Variants in RAPGEF5 observed in about 807,000 individuals in gnomAD.
RAPGEF5 encodes Rap guanine nucleotide exchange factor 5, also known as M-Ras-regulated GEF.
A neutral mutation model predicts 125.2 loss-of-function variants in RAPGEF5; 65 were observed. That is an observed-to-expected ratio of 0.52 (90% CI 0.43 to 0.64). The LOEUF is 0.64. Among genes scored for constraint, RAPGEF5 ranks in the 30% least tolerant of loss-of-function variants. The probability of loss-of-function intolerance (pLI) is 0.00; values close to 1 mark genes in which losing one functional copy is unlikely to be tolerated. For synonymous variants in RAPGEF5, 391 were observed against 385.9 expected (o/e 1.01, Z -0.16); for missense variants, 958 against 1,048.1 (o/e 0.91, Z 1.19).
intron 17 of RAPGEF5, among the ~76,000 whole-genome samples, chr7:22,154,059 T>A (rs758121734): frequency 2.0e-5 from 3 of 152,118 alleles, no homozygotes; most frequent in Non-Finnish European, 4.4e-5. Context: ...AGTCTTTAAC[T>A]ATTAAATTGT....
At chr7:22,166,056 T>A (rs1281435209) in intron 12 of RAPGEF5, among the ~76,000 whole-genome samples, 1 of 147,210 alleles carries the variant, frequency 6.8e-6, no homozygotes, top group Non-Finnish European at 1.5e-5. Flanking sequence ...GTATATTATA[T>A]ATATATTATA....
intron 14 of RAPGEF5, 46 bp from the exon 15 acceptor site, chr7:22,157,931 A>G (rs1783864799): frequency 5.2e-6 from 8 of 1,550,460 alleles, no homozygotes; most frequent in Non-Finnish European, 7.1e-6. Context: ...TCAAACCCAG[A>G]ATAATGCAGT....
At chr7:22,136,375 A>G (rs1187886731) in intron 22 of RAPGEF5, among the ~76,000 whole-genome samples, 1 of 152,084 alleles carries the variant, frequency 6.6e-6, no homozygotes, top group Non-Finnish European at 1.5e-5. Flanking sequence ...ACATCTTTTG[A>G]TTGTCCTATT....
chr7:22,184,772 G>T lies in RAPGEF5; in HGVS notation c.1204+8595C>A, dbSNP rs558423915. Among the ~76,000 whole-genome samples the T allele has an allele frequency of 2.0e-5, 3 of 152,286 alleles. No individual in the cohort carries two copies. In the East Asian group the frequency reaches 5.8e-4, roughly 29 times the overall value. ...GCAGTGTAAAAGCATCAGTTCCCTT[G>T]TTATCATACATACTATTGCATGTTC... is the stretch of plus-strand genomic sequence containing the variant. On this transcript the variant is annotated intron_variant, in intron 11 of 25. Coordinates refer to ENST00000665637, the MANE Select transcript of RAPGEF5 (RefSeq NM_012294.5).
chr7:22,315,606 C>T (rs1783573149), intron 2 of RAPGEF5, 130 bp from the exon 3 acceptor site: 4 of 608,268 alleles, frequency 6.6e-6, no homozygotes, highest in Non-Finnish European at 8.3e-6. Context: ...AAATCATAAC[C>T]AAGTCCATAA....
intron 17 of RAPGEF5, among the ~76,000 whole-genome samples, chr7:22,152,479 G>C (rs1480158577): frequency 1.3e-5 from 2 of 152,096 alleles, no homozygotes; most frequent in Non-Finnish European, 2.9e-5. Context: ...TTTCAGGTTT[G>C]TCACTATAAT....
At chr7:22,201,985 A>T (rs760520947) in intron 9 of RAPGEF5, among the ~76,000 whole-genome samples, 9 of 152,216 alleles carry the variant, frequency 5.9e-5, no homozygotes, top group Non-Finnish European at 7.3e-5. Context: ...CAAATGATGG[A>T]TAAGTGGACA....
chr7:22,303,697 C>G (rs1456185391), intron 5 of RAPGEF5, among the ~76,000 whole-genome samples: 1 of 152,156 alleles, frequency 6.6e-6, no homozygotes, highest in African/African-American at 2.4e-5. Context: ...ATGTAAGAAT[C>G]AAGAGGGCAC....
intron 11 of RAPGEF5, among the ~76,000 whole-genome samples, chr7:22,178,322 C>T (rs1784572605): frequency 6.6e-6 from 1 of 152,146 alleles, no homozygotes; most frequent in Non-Finnish European, 1.5e-5. Flanking sequence ...TTTTTCTACT[C>T]TCAACACATC....
chr7:22,158,488 A>G (rs1277213645), intron 14 of RAPGEF5, among the ~76,000 whole-genome samples: 2 of 152,178 alleles, frequency 1.3e-5, no homozygotes, highest in African/African-American at 2.4e-5. Flanking sequence ...AAAGGTATCA[A>G]TCTTGCTCTC....
intron 6 of RAPGEF5, among the ~76,000 whole-genome samples, chr7:22,270,095 A>G (rs1782383154): frequency 6.6e-6 from 1 of 152,226 alleles, no homozygotes; most frequent in Non-Finnish European, 1.5e-5. Flanking sequence ...TTGACCAGGA[A>G]CTGACCTTTG....
intron 5 of RAPGEF5, among the ~76,000 whole-genome samples, chr7:22,301,450 C>A (rs1202360643): frequency 6.6e-6 from 1 of 151,888 alleles, no homozygotes; most frequent in Non-Finnish European, 1.5e-5. Context: ...CCCATCTCTA[C>A]TAAAAATACA....
rs1015876906 is a variant in RAPGEF5 at position 22,122,313 on chromosome 7, C to T, written c.*93G>A. The T allele has an allele frequency of 2.4e-5, 25 of 1,046,762 alleles. No individual in the cohort carries two copies. The African/African-American group carries it at 3.8e-4, about 16-fold the overall frequency. The allele number at this position is 1,046,762 out of a possible 1,614,324, so 64.8% of individuals were successfully genotyped here. On this transcript the variant is annotated 3_prime_UTR_variant, in exon 26 of 26. Transcript: ENST00000665637. The stretch of plus-strand genomic sequence containing the variant: ...CTTGGGTTATACTGATAAAACTCAG[C>T]AACTTCTTTTCTCACAGGAAAGCAA...
chr7:22,285,287 C>T (rs1013503249), intron 6 of RAPGEF5, among the ~76,000 whole-genome samples: 5 of 152,178 alleles, frequency 3.3e-5, no homozygotes, highest in African/African-American at 1.2e-4. Flanking sequence ...GTTGAAAAAT[C>T]GTTACATCAG....
chr7:22,213,419 T>C (rs932870200), intron 9 of RAPGEF5, among the ~76,000 whole-genome samples: 1 of 152,222 alleles, frequency 6.6e-6, no homozygotes, highest in Non-Finnish European at 1.5e-5. Flanking sequence ...CTAAATGTCT[T>C]ATTTAGAGAC....
At chr7:22,182,673 A>C (rs1277937590) in intron 11 of RAPGEF5, among the ~76,000 whole-genome samples, 1 of 152,134 alleles carries the variant, frequency 6.6e-6, no homozygotes, top group African/African-American at 2.4e-5. Flanking sequence ...CCCAGTTAGC[A>C]CTAACTGAAC....
At position 22,179,334 on chromosome 7, in the gene RAPGEF5, CA is replaced by C. The variant is rs1215440133; in HGVS notation, c.1205-12187del. On this transcript the variant is annotated intron_variant, in intron 11 of 25. Coordinates refer to ENST00000665637, the MANE Select transcript of RAPGEF5 (RefSeq NM_012294.5). ...TTTAGAGTGAATGATGTATAATTCT[CA>C]AACATGAAATCAACAGCTCAAATCA... is the stretch of plus-strand genomic sequence containing the variant. 2.8e-4 allele frequency among the ~76,000 whole-genome samples: 42 copies of C among 152,222 alleles called. 3 individuals carry two copies. Among genetic ancestry groups the C allele is most frequent in the African/African-American group, 9.9e-4 (41 of 41,536 alleles).
intron 8 of RAPGEF5, among the ~76,000 whole-genome samples, chr7:22,223,536 T>C (rs925844660): frequency 1.3e-5 from 2 of 152,196 alleles, no homozygotes; most frequent in Non-Finnish European, 2.9e-5. Context: ...ATGACGGCTA[T>C]TCCAGGATGT....
At position 22,280,027 on chromosome 7, in the gene RAPGEF5, G is replaced by A. The variant is rs536186252; in HGVS notation, c.747+11148C>T. On this transcript the variant is annotated intron_variant, in intron 6 of 25. Transcript: ENST00000665637. ...AGGTCATTTTGGAAACAGGCCTCCC[G>A]AAAAGGTAGGGTGACCCCAATAGAA... Among the ~76,000 whole-genome samples, 377 of 152,222 alleles carry A rather than the reference G, an allele frequency of 2.5e-3. 1 individual carries two copies. Among genetic ancestry groups the A allele is most frequent in the Middle Eastern group, 6.8e-3 (2 of 294 alleles).
Sources: gnomAD v4.1 joint callset for allele counts (sites outside exome capture counted in the v4.1 genomes callset) on GRCh38, gnomAD v4.1.1 for gene constraint, MANE v1.5 for transcripts, NCBI Gene and HGNC (gene_info 2026-07-23, HGNC 2026-07-21) for gene names.